LIN9: variants seen among roughly 807,000 people sequenced by gnomAD.
LIN9 encodes the protein lin-9 DREAM MuvB core complex component.
Under a neutral mutation model 78.0 loss-of-function variants are expected in LIN9, and 18 were observed. That is an observed-to-expected ratio of 0.23 (90% confidence interval 0.16 to 0.34). The LOEUF (loss-of-function observed/expected upper bound fraction) is 0.34. Among genes scored for constraint, LIN9 ranks in the 10% least tolerant of loss-of-function variants. The probability of loss-of-function intolerance (pLI) is 1.00; values close to 1 mark genes in which losing one functional copy is unlikely to be tolerated. For missense variants in LIN9, 451 were observed against 644.1 expected (o/e 0.70, Z 3.25); for synonymous variants, 192 against 215.2 (o/e 0.89, Z 0.94).
chr1:226,238,652 G>T (rs1657900574), intron 12 of LIN9, among the ~76,000 whole-genome samples: 1 of 151,918 alleles, frequency 6.6e-6, no homozygotes, highest in South Asian at 2.1e-4. Flanking sequence ...AATAAATAAA[G>T]AAGAAGAAAA....
At chr1:226,269,874 A>G (rs926074172) in intron 7 of LIN9, among the ~76,000 whole-genome samples, 1 of 152,164 alleles carries the variant, frequency 6.6e-6, no homozygotes, top group Non-Finnish European at 1.5e-5. Context: ...GCTTTTCCCG[A>G]TCAAGATGTT....
chr1:226,240,586 A>C (rs1283149078), intron 11 of LIN9, among the ~76,000 whole-genome samples: 1 of 151,948 alleles, frequency 6.6e-6, no homozygotes, highest in Non-Finnish European at 1.5e-5. Context: ...ATGGGGTTTC[A>C]TCATGTTGGC....
chr1:226,263,126 G>A (rs561365330), intron 10 of LIN9, among the ~76,000 whole-genome samples: 1 of 152,258 alleles, frequency 6.6e-6, no homozygotes, highest in African/African-American at 2.4e-5. Context: ...ATTTCCAGGG[G>A]CTCAGGGGAA....
chr1:226,273,119 T>C (rs776175484), intron 7 of LIN9, among the ~76,000 whole-genome samples: 3 of 152,120 alleles, frequency 2.0e-5, no homozygotes, highest in African/African-American at 7.2e-5. Context: ...GAAGTGTTTA[T>C]AGTTCATTGG....
intron 7 of LIN9, among the ~76,000 whole-genome samples, chr1:226,270,217 C>A (rs1433686983): frequency 6.6e-6 from 1 of 152,134 alleles, no homozygotes; most frequent in Non-Finnish European, 1.5e-5. Context: ...TGAGCCACCG[C>A]ACCCAGCCCT....
chr1:226,251,290 T>TG (rs1357530584), intron 10 of LIN9, among the ~76,000 whole-genome samples: 3 of 150,286 alleles, frequency 2.0e-5, no homozygotes, highest in Non-Finnish European at 3.0e-5. Context: ...TGCAATGGCG[T>TG]GATCTTGGCT....
At chr1:226,235,322 C>CAAAAA (rs375690849) in intron 12 of LIN9, among the ~76,000 whole-genome samples, 51 of 59,596 alleles carry the variant, frequency 8.6e-4, no homozygotes, top group Non-Finnish European at 9.4e-4. Flanking sequence ...AAATCCGTCT[C>CAAAAA]AAAAAAAAAA....
intron 5 of LIN9, 103 bp from the exon 6 acceptor site, chr1:226,286,561 A>G (rs996563960): frequency 3.0e-5 from 24 of 795,008 alleles, no homozygotes; most frequent in African/African-American, 8.7e-5. Flanking sequence ...CCCCATATAT[A>G]TATATAAACT....
At chr1:226,268,121 T>C (rs1660047306) in intron 7 of LIN9, 31 bp from the exon 8 acceptor site, 1 of 1,601,608 alleles carries the variant, frequency 6.2e-7, no homozygotes, top group Non-Finnish European at 8.5e-7. Flanking sequence ...TTATGATGTG[T>C]GGGAGATACA....
intron 4 of LIN9, among the ~76,000 whole-genome samples, chr1:226,289,852 G>GGT: frequency 1.3e-5 from 1 of 76,986 alleles, no homozygotes; most frequent in Admixed American, 1.4e-4. Context: ...GGGGTGGGGG[G>GGT]GGGTGGGAAA....
intron 10 of LIN9, among the ~76,000 whole-genome samples, chr1:226,252,558 A>G (rs1238701461): frequency 6.6e-6 from 1 of 152,180 alleles, no homozygotes; most frequent in Non-Finnish European, 1.5e-5. Flanking sequence ...AGTTGCATGG[A>G]GAAAAAAGGC....
intron 3 of LIN9, among the ~76,000 whole-genome samples, chr1:226,296,868 T>A (rs552347436): frequency 1.6e-3 from 237 of 151,500 alleles, no homozygotes; most frequent in African/African-American, 5.0e-3. Context: ...AAAAAAAAAA[T>A]TTTTTATTAG....
intron 1 of LIN9, among the ~76,000 whole-genome samples, chr1:226,304,813 T>C (rs778568768): frequency 4.6e-5 from 7 of 152,176 alleles, no homozygotes; most frequent in Non-Finnish European, 8.8e-5. Flanking sequence ...CCTGCTCTGA[T>C]GGGGCTACTA....
At chr1:226,301,885 A>G (rs1662555443) in intron 1 of LIN9, among the ~76,000 whole-genome samples, 1 of 152,144 alleles carries the variant, frequency 6.6e-6, no homozygotes, top group South Asian at 2.1e-4. Context: ...CCTGGGCAAC[A>G]TAAGGAGATC....
intron 1 of LIN9, among the ~76,000 whole-genome samples, chr1:226,308,035 AATC>A (rs1357047257): frequency 6.6e-6 from 1 of 152,222 alleles, no homozygotes; most frequent in Non-Finnish European, 1.5e-5. Flanking sequence ...AAGAAAATGG[AATC>A]GGTAGTATGT....
At chr1:226,258,535 G>A (rs1183599752) in intron 10 of LIN9, among the ~76,000 whole-genome samples, 1 of 151,074 alleles carries the variant, frequency 6.6e-6, no homozygotes, top group East Asian at 1.9e-4. Context: ...AAGAAAGCAG[G>A]AGCAGTTATA....
intron 10 of LIN9, among the ~76,000 whole-genome samples, chr1:226,261,085 A>C (rs1188735082): frequency 2.6e-5 from 4 of 152,052 alleles, no homozygotes; most frequent in Non-Finnish European, 4.4e-5. Flanking sequence ...TTCAACACTC[A>C]TTCATGATAA....
At chr1:226,258,661 C>T (rs747379597) in intron 10 of LIN9, among the ~76,000 whole-genome samples, 26 of 151,318 alleles carry the variant, frequency 1.7e-4, no homozygotes, top group East Asian at 5.9e-4. Context: ...GAGGCTGATG[C>T]GAGCGGATCA....
chr1:226,257,086 T>C (rs1236129680), intron 10 of LIN9, among the ~76,000 whole-genome samples: 3 of 152,046 alleles, frequency 2.0e-5, no homozygotes, highest in Non-Finnish European at 4.4e-5. Flanking sequence ...CCCAAGTAGC[T>C]GGGACTATAA....
Sources: allele counts gnomAD v4.1 joint callset (sites outside exome capture counted in the v4.1 genomes callset), GRCh38; gene constraint gnomAD v4.1.1; transcripts MANE v1.5; gene names NCBI Gene and HGNC (gene_info 2026-07-23, HGNC 2026-07-21).